MAGI1: variants seen among roughly 807,000 people sequenced by gnomAD.
MAGI1 encodes membrane associated guanylate kinase, WW and PDZ domain containing 1, also known as membrane-associated guanylate kinase, WW and PDZ domain-containing protein 1.
MAGI1 carries 58 observed loss-of-function variants against 139.9 expected under a neutral mutation model. That is an observed-to-expected ratio of 0.41 (90% CI 0.34 to 0.52). The LOEUF is 0.52. Ranked by LOEUF, MAGI1 falls within the 20% of genes least tolerant of loss-of-function variation. MAGI1 has a pLI of 0.12. For missense variants in MAGI1, 1,874 were observed against 1,901.6 expected (o/e 0.99, Z 0.27); for synonymous variants, 812 against 737.9 (o/e 1.10, Z -1.63).
At chr3:65,398,181 A>T in intron 13 of MAGI1, among the ~76,000 whole-genome samples, 1 of 152,166 alleles carries the variant, frequency 6.6e-6, no homozygotes, top group Non-Finnish European at 1.5e-5. Flanking sequence ...GAATGAATGG[A>T]TGAAAGATGA....
At chr3:65,844,560 T>C (rs549094325) in intron 1 of MAGI1, 1 of 193,594 alleles carries the variant, frequency 5.2e-6, no homozygotes, top group African/African-American at 2.4e-5. Flanking sequence ...GCTCTGATCT[T>C]GCCAAAGAAC....
At chr3:65,838,733 G>A (rs2058711139) in intron 1 of MAGI1, among the ~76,000 whole-genome samples, 1 of 152,094 alleles carries the variant, frequency 6.6e-6, no homozygotes, top group Admixed American at 6.5e-5. Context: ...ATTTCTCTAG[G>A]GTGAATGCCT....
chr3:65,524,807 C>T (rs1298190770), intron 2 of MAGI1, among the ~76,000 whole-genome samples: 3 of 152,260 alleles, frequency 2.0e-5, no homozygotes, highest in South Asian at 2.1e-4. Context: ...CTCTCAGCTC[C>T]AAGGGGCTCT....
rs374241813 is a variant in MAGI1 at position 65,489,766 on chromosome 3, A to G, written c.550+3746T>C. ...AGATATACATATATGTTGTGTACATATAAGTTTTCTGAATATTTGCACTAG... is the reference window on the plus strand; with the variant it reads ...AGATATACATATATGTTGTGTACATGTAAGTTTTCTGAATATTTGCACTAG... On this transcript the variant is annotated intron_variant, in intron 3 of 22. Coordinates refer to ENST00000402939, the MANE Select transcript of MAGI1 (RefSeq NM_001033057.2). Among the ~76,000 whole-genome samples the G allele has an allele frequency of 4.6e-5, 7 of 152,354 alleles. 1 individual carries two copies. The East Asian group carries it at 9.6e-4, about 21-fold the overall frequency.
intron 1 of MAGI1, among the ~76,000 whole-genome samples, chr3:65,851,360 C>T (rs2059195112): frequency 6.6e-6 from 1 of 152,110 alleles, no homozygotes. Flanking sequence ...CTTATTTTCT[C>T]CCACACAATG....
In MAGI1 at chr3:65,383,543, G is replaced by A. The variant is rs756990030; in HGVS notation, c.2497C>T (p.Pro833Ser). Residue 833 changes from proline to serine, a missense_variant, in exon 15 of 23, where the codon CCA becomes TCA. This residue lies in a region of MAGI1 where 482 missense variants were observed against 509.6 expected (regional missense o/e 0.95). Transcript: ENST00000402939. Reference sequence around the variant, plus strand: ...AGCAAAAGACTCACAGGTTCCCCTGGTTCATTTCCACCCAGAATCCTAAAT... The same window carrying A: ...AGCAAAAGACTCACAGGTTCCCCTGATTCATTTCCACCCAGAATCCTAAAT... ...FGFRILGGNE[P>S]GEPIYIGHIV... The A allele has an allele frequency of 8.1e-6, 13 of 1,612,344 alleles. No individual in the cohort carries two copies. In the Admixed American group the frequency reaches 2.0e-4, roughly 25 times the overall value.
At chr3:65,852,594 C>T (rs13062751) in intron 1 of MAGI1, among the ~76,000 whole-genome samples, 1 of 151,454 alleles carries the variant, frequency 6.6e-6, no homozygotes, top group Non-Finnish European at 1.5e-5. Context: ...ACCTCTGCCT[C>T]CCGGGTTCAA....
chr3:65,388,832 G>T (rs959143509), intron 14 of MAGI1, among the ~76,000 whole-genome samples: 106 of 116,748 alleles, frequency 9.1e-4, no homozygotes, highest in African/African-American at 3.3e-3. Flanking sequence ...GCACCATTCC[G>T]AATTTTTTTT....
intron 1 of MAGI1, among the ~76,000 whole-genome samples, chr3:65,695,919 A>G (rs2089142827): frequency 6.6e-6 from 1 of 152,096 alleles, no homozygotes; most frequent in South Asian, 2.1e-4. Context: ...ATCACCTAAG[A>G]TACTTTCCTT....
At chr3:65,437,371 A>G (rs1947927150) in intron 9 of MAGI1, 124 bp from the exon 10 acceptor site, 1 of 509,186 alleles carries the variant, frequency 2.0e-6, no homozygotes, top group Non-Finnish European at 3.4e-6. Flanking sequence ...TAGATTAAAA[A>G]GAAGTTGTTA....
At chr3:65,753,520 G>A (rs548003588) in intron 1 of MAGI1, among the ~76,000 whole-genome samples, 5 of 151,894 alleles carry the variant, frequency 3.3e-5, no homozygotes, top group South Asian at 2.1e-4. Context: ...TCAGGAGTTC[G>A]AGACCAGCCT....
At chr3:65,521,103 CCA>C (rs2078133224) in intron 2 of MAGI1, among the ~76,000 whole-genome samples, 1 of 152,128 alleles carries the variant, frequency 6.6e-6, no homozygotes, top group Non-Finnish European at 1.5e-5. Flanking sequence ...GTAATATGTA[CCA>C]CAGACAGTGG....
chr3:65,637,000 C>A (rs145999345), intron 1 of MAGI1, among the ~76,000 whole-genome samples: 1,894 of 152,298 alleles, frequency 0.012, 26 homozygotes, highest in Non-Finnish European at 0.018. Context: ...AGTGCCACTG[C>A]CATCTTGGGC....
rs186590038 is a variant in MAGI1, at chr3:65,834,133, A to G, written c.313+203863T>C. Among the ~76,000 whole-genome samples, 23 of 152,352 alleles carry G rather than the reference A, an allele frequency of 1.5e-4. No homozygotes were observed. The East Asian group carries it at 4.4e-3, about 29-fold the overall frequency. The stretch of plus-strand genomic sequence containing the variant: ...TAAACAACAAAGGTAACTTCAGATA[A>G]TAAGTGCTAAGAAGAAAATAACAGG... On this transcript the variant is annotated intron_variant, in intron 1 of 22. Coordinates refer to ENST00000402939, the MANE Select transcript of MAGI1 (RefSeq NM_001033057.2).
chr3:65,736,849 G>C (rs945971149), intron 1 of MAGI1, among the ~76,000 whole-genome samples: 1 of 152,100 alleles, frequency 6.6e-6, no homozygotes, highest in Non-Finnish European at 1.5e-5. Context: ...TGTTTTACCA[G>C]CTACCTGGGA....
chr3:65,696,107 T>C (rs1363385219), intron 1 of MAGI1, among the ~76,000 whole-genome samples: 1 of 152,208 alleles, frequency 6.6e-6, no homozygotes, highest in African/African-American at 2.4e-5. Context: ...GTCTTTACTA[T>C]TCTACAAATA....
At chr3:65,838,450 T>C (rs1198677830) in intron 1 of MAGI1, among the ~76,000 whole-genome samples, 17 of 152,262 alleles carry the variant, frequency 1.1e-4, no homozygotes, top group Admixed American at 1.1e-3. Context: ...TATAATTTGA[T>C]CATTTCAAGA....
At chr3:65,389,219 T>C (rs902839330) in intron 14 of MAGI1, among the ~76,000 whole-genome samples, 1 of 152,144 alleles carries the variant, frequency 6.6e-6, no homozygotes, top group African/African-American at 2.4e-5. Flanking sequence ...TTACATATTT[T>C]CCTAATTTTT....
At chr3:65,886,388 T>C (rs775179285) in intron 1 of MAGI1, among the ~76,000 whole-genome samples, 1 of 152,152 alleles carries the variant, frequency 6.6e-6, no homozygotes, top group Non-Finnish European at 1.5e-5. Flanking sequence ...TGTCTCAAGA[T>C]TCTCTTTTTA....
Sources: allele counts gnomAD v4.1 joint callset (sites outside exome capture counted in the v4.1 genomes callset), GRCh38; gene constraint gnomAD v4.1.1; regional missense constraint gnomAD v4.1.1; transcripts MANE v1.5; gene names NCBI Gene and HGNC (gene_info 2026-07-23, HGNC 2026-07-21).